The following ANKRD20A1 variants were observed in gnomAD, a reference collection of about 807,000 sequenced individuals.
ANKRD20A1 encodes ankyrin repeat domain 20 family member A1.
Under a neutral mutation model 50.9 loss-of-function variants are expected in ANKRD20A1, and 2 were observed. The observed-to-expected ratio is 0.04, with a 90% CI of 0.02 to 0.12. The LOEUF (loss-of-function observed/expected upper bound fraction) is 0.12. ANKRD20A1 is among the 10% of genes least tolerant of loss of function. ANKRD20A1 has a pLI of 1.00. For synonymous variants in ANKRD20A1, 10 were observed against 186.2 expected, an observed-to-expected ratio of 0.05 and a Z score of 7.70; for missense variants, 31 against 548.1, an observed-to-expected ratio of 0.06 and a Z score of 9.42.
At chr9:67,880,778 G>A (rs1235925586) in intron 8 of ANKRD20A1, among the ~76,000 whole-genome samples, 1 of 24,502 alleles carries the variant, frequency 4.1e-5, no homozygotes, top group African/African-American at 1.0e-4. Flanking sequence ...AAATGAACTG[G>A]AAAATTAGTA....
At chr9:67,871,408 C>T (rs1827644474) in intron 6 of ANKRD20A1, among the ~76,000 whole-genome samples, 196 bp downstream of exon 6, 1 of 136,834 alleles carries the variant, frequency 7.3e-6, no homozygotes, top group South Asian at 2.4e-4. Flanking sequence ...GTTTGAAATT[C>T]AGATTTATTT....
chr9:67,891,359 C>T (rs1827944832), intron 11 of ANKRD20A1, among the ~76,000 whole-genome samples: 1 of 125,252 alleles, frequency 8.0e-6, no homozygotes, highest in Non-Finnish European at 1.7e-5. Context: ...AATGCATTTC[C>T]TTGGCACAGT....
intron 9 of ANKRD20A1, among the ~76,000 whole-genome samples, chr9:67,885,438 C>G (rs1450307682): frequency 6.6e-6 from 1 of 152,424 alleles, no homozygotes; most frequent in African/African-American, 2.4e-5. Flanking sequence ...TGAACATCAC[C>G]AAAAATGGTC....
At chr9:67,882,976 T>C (rs1821160330) in intron 8 of ANKRD20A1, among the ~76,000 whole-genome samples, 1 of 151,108 alleles carries the variant, frequency 6.6e-6, no homozygotes, top group Admixed American at 6.7e-5. Flanking sequence ...TCATCCTTTT[T>C]TATGGCTGCA....
At chr9:67,884,848 C>T (rs552828159) in intron 9 of ANKRD20A1, among the ~76,000 whole-genome samples, 1 of 151,428 alleles carries the variant, frequency 6.6e-6, no homozygotes, top group African/African-American at 2.4e-5. Context: ...GGAGATACCA[C>T]CACTGCATTC....
At chr9:67,885,411 GTTTT>G (rs1827864637) in intron 9 of ANKRD20A1, among the ~76,000 whole-genome samples, 1 of 152,310 alleles carries the variant, frequency 6.6e-6, no homozygotes, top group Non-Finnish European at 1.5e-5. Context: ...ACAGACCTGT[GTTTT>G]ATCTACCATA....
At chr9:67,872,332 G>C (rs1366190175) in intron 6 of ANKRD20A1, among the ~76,000 whole-genome samples, 2 of 133,610 alleles carry the variant, frequency 1.5e-5, no homozygotes, top group Non-Finnish European at 3.3e-5. Context: ...ATCTGTCATA[G>C]TTTACATACA....
At chr9:67,882,150 C>G (rs1315670776) in intron 8 of ANKRD20A1, among the ~76,000 whole-genome samples, 2 of 147,014 alleles carry the variant, frequency 1.4e-5, no homozygotes, top group African/African-American at 4.9e-5. Context: ...CCTGTGTCAC[C>G]ATGCTCAGCT....
chr9:67,889,092 G>A (rs1413241314), intron 11 of ANKRD20A1, among the ~76,000 whole-genome samples: 2 of 147,178 alleles, frequency 1.4e-5, no homozygotes, highest in African/African-American at 4.9e-5. Context: ...TCAGCCCCTC[G>A]AGTAGCTGAT....
Position 67,886,664 on chromosome 9 carries a change from C to T in ANKRD20A1, c.980-612C>T, listed in dbSNP as rs546889405. 1.8e-3 allele frequency among the ~76,000 whole-genome samples: 145 copies of T among 79,188 alleles called. 14 individuals are homozygous for T. Among genetic ancestry groups the T allele is most frequent in the African/African-American group, 5.2e-3 (138 of 26,760 alleles). 52.0% of individuals were successfully genotyped at this position (79,188 alleles called of 152,430 possible). A position where few individuals can be genotyped will look rare whatever the true frequency, so the allele number is the denominator to read the frequency against. ...TGAGGGGATAGGAGAAATGTAGGTG[C>T]TGCAGTAGCCCATGTGATCATGGGA... On this transcript the variant is annotated intron_variant, in intron 9 of 14. Transcript: ENST00000562196.
At position 67,872,355 on chromosome 9, in the gene ANKRD20A1, C is replaced by G. The variant is rs566039052; in HGVS notation, c.793+1143C>G. ...TAGTTTACATACATACACATACACA[C>G]ACGCACATGTGCACACACCTGTGCA... On this transcript the variant is annotated intron_variant, in intron 6 of 14. Coordinates refer to ENST00000562196, the MANE Select transcript of ANKRD20A1 (RefSeq NM_032250.5). 3.0e-5 allele frequency among the ~76,000 whole-genome samples: 4 copies of G among 134,416 alleles called. No homozygotes were observed. In the South Asian group the frequency reaches 7.7e-4, roughly 26 times the overall value. 88.2% of individuals were successfully genotyped at this position (134,416 alleles called of 152,430 possible). A position where few individuals can be genotyped will look rare whatever the true frequency, so the allele number is the denominator to read the frequency against.
chr9:67,895,797 C>T lies in ANKRD20A1; in HGVS notation c.1153-1762C>T, dbSNP rs1282384017. Among the ~76,000 whole-genome samples the T allele has an allele frequency of 5.8e-4, 45 of 77,816 alleles. 9 individuals carry two copies. The highest frequency in any genetic ancestry group is 1.6e-3 in the African/African-American group (43 of 26,250). The allele number at this position is 77,816 out of a possible 152,430, so 51.1% of individuals were successfully genotyped here. On this transcript the variant is annotated intron_variant, in intron 12 of 14. Transcript: ENST00000562196. ...TTCCTGGCTTTGGAGAAAAGCAAGT[C>T]CAACTTCAAAAAGACAGAGGTTCAC...
chr9:67,881,839 ATTT>A (rs1322349844), intron 8 of ANKRD20A1, among the ~76,000 whole-genome samples: 1 of 151,402 alleles, frequency 6.6e-6, no homozygotes, highest in Non-Finnish European at 1.5e-5. Context: ...ATATTCTGAA[ATTT>A]TGAATTTCAG....
intron 11 of ANKRD20A1, among the ~76,000 whole-genome samples, chr9:67,890,519 C>A (rs1827928641): frequency 6.6e-6 from 1 of 152,280 alleles, no homozygotes; most frequent in Non-Finnish European, 1.5e-5. Flanking sequence ...TGTTGATTTC[C>A]CCAATATTAA....
At chr9:67,882,310 A>T (rs1158713722) in intron 8 of ANKRD20A1, among the ~76,000 whole-genome samples, 5 of 151,360 alleles carry the variant, frequency 3.3e-5, no homozygotes, top group African/African-American at 1.2e-4. Flanking sequence ...ATAAATAGAC[A>T]AATGAATTTT....
intron 8 of ANKRD20A1, among the ~76,000 whole-genome samples, chr9:67,883,014 A>G (rs1213365822): frequency 6.6e-6 from 1 of 151,206 alleles, no homozygotes; most frequent in Non-Finnish European, 1.5e-5. Flanking sequence ...TATGTGCCAC[A>G]TTGTCTTAAT....
At chr9:67,872,614 G>C (rs1413124547) in intron 6 of ANKRD20A1, among the ~76,000 whole-genome samples, 1 of 138,572 alleles carries the variant, frequency 7.2e-6, no homozygotes, top group Non-Finnish European at 1.6e-5. Context: ...GACTATAATA[G>C]TATATTCAAT....
chr9:67,881,656 G>T (rs1175811697), intron 8 of ANKRD20A1, among the ~76,000 whole-genome samples: 6 of 152,254 alleles, frequency 3.9e-5, no homozygotes, highest in Non-Finnish European at 8.8e-5. Context: ...TTAACCAGGC[G>T]TGATGGTGCA....
intron 8 of ANKRD20A1, among the ~76,000 whole-genome samples, chr9:67,882,905 C>T (rs1184292292): frequency 8.6e-5 from 13 of 151,010 alleles, no homozygotes; most frequent in South Asian, 2.1e-4. Flanking sequence ...TTTGTCCTTG[C>T]GATAGTTTGC....
Sources: allele counts gnomAD v4.1 joint callset (sites outside exome capture counted in the v4.1 genomes callset), GRCh38; gene constraint gnomAD v4.1.1; transcripts MANE v1.5; gene names NCBI Gene and HGNC (gene_info 2026-07-23, HGNC 2026-07-21).